The following PACS1 variants were observed in gnomAD, a reference collection of about 807,000 sequenced individuals.
The protein encoded by PACS1 is PACS-1.
In PACS1, 24 loss-of-function variants were observed where a neutral mutation model predicts 115.0. The observed-to-expected ratio is 0.21, with a 90% CI of 0.15 to 0.29. The LOEUF is 0.29. Among genes scored for constraint, PACS1 ranks in the 10% least tolerant of loss-of-function variants. PACS1 has a pLI of 1.00. For synonymous variants in PACS1, 453 were observed against 504.5 expected, an observed-to-expected ratio of 0.90 and a Z score of 1.37; for missense variants, 838 against 1,251.2, an observed-to-expected ratio of 0.67 and a Z score of 4.98.
Position 66,244,580 on chromosome 11 carries a change from T to A in PACS1, c.*1300T>A, listed in dbSNP as rs889035701. 2 of 152,260 alleles carry A rather than the reference T, an allele frequency of 1.3e-5. No individual in the cohort carries two copies. The highest frequency in any genetic ancestry group is 4.8e-5 in the African/African-American group (2 of 41,400). 9.4% of individuals were successfully genotyped at this position (152,260 alleles called of 1,614,324 possible). A position where few individuals can be genotyped will look rare whatever the true frequency, so the allele number is the denominator to read the frequency against. On this transcript the variant is annotated 3_prime_UTR_variant, in exon 24 of 24. Transcript: ENST00000320580. ...TTTGCACAGAACTTCATTTTGAAAG[T>A]GTTTTTCTCATTCTCCATACCTCCC...
rs1441972651 is a variant in PACS1, at chr11:66,227,562, G to C, written c.1352G>C (p.Ser451Thr). 4 of 1,610,676 alleles carry C rather than the reference G, an allele frequency of 2.5e-6. No individual in the cohort carries two copies. The South Asian group carries it at 4.4e-5, about 18-fold the overall frequency. The change falls in exon 11 of 24, where the codon AGC (serine) becomes ACC (threonine). Residue 451 changes from serine (S) to threonine (T), a missense_variant. By Grantham distance (58) the Ser-to-Thr change is moderately conservative. Coordinates refer to ENST00000320580, the MANE Select transcript of PACS1 (RefSeq NM_018026.4). ...ACTTGGATTAAAAACCAAGATGACA[G>C]CTTGACTGAAACAGACACTCTGGTA... Reference protein sequence around the residue: ...KSTWIKNQDDSLTETDTLEIT... With the variant: ...KSTWIKNQDDTLTETDTLEIT...
intron 1 of PACS1, among the ~76,000 whole-genome samples, chr11:66,169,727 C>T (rs1590793557): frequency 6.7e-6 from 1 of 149,870 alleles, no homozygotes; most frequent in Non-Finnish European, 1.5e-5. Flanking sequence ...TTTTTAAATA[C>T]ATTATTTGTT....
At chr11:66,239,876 C>T (rs1418161709) in intron 21 of PACS1, among the ~76,000 whole-genome samples, 4 of 152,192 alleles carry the variant, frequency 2.6e-5, no homozygotes, top group Non-Finnish European at 5.9e-5. Context: ...TACATAAGAA[C>T]GTGGAAACCA....
At chr11:66,224,050 A>T (rs1417960908) in intron 10 of PACS1, among the ~76,000 whole-genome samples, 1 of 152,138 alleles carries the variant, frequency 6.6e-6, no homozygotes, top group Non-Finnish European at 1.5e-5. Context: ...ATACAAAATT[A>T]GCCAGGCATG....
At chr11:66,081,462 C>CA (rs1371061369) in intron 1 of PACS1, among the ~76,000 whole-genome samples, 1 of 151,752 alleles carries the variant, frequency 6.6e-6, no homozygotes, top group Non-Finnish European at 1.5e-5. Flanking sequence ...ACAAAACAAA[C>CA]ATGCTTTCTT....
intron 1 of PACS1, among the ~76,000 whole-genome samples, chr11:66,073,916 CTTTTT>C (rs34145797): frequency 5.2e-5 from 4 of 76,938 alleles, no homozygotes; most frequent in Middle Eastern, 9.6e-3. Flanking sequence ...TCACACCTGG[CTTTTT>C]TTTTTTTTTT....
chr11:66,125,892 T>C (rs1459960889), intron 1 of PACS1, among the ~76,000 whole-genome samples: 1 of 151,740 alleles, frequency 6.6e-6, no homozygotes, highest in East Asian at 1.9e-4. Flanking sequence ...ATACAAAAAT[T>C]AGTCATGCAT....
chr11:66,210,199 AT>A (rs992063280), intron 2 of PACS1, among the ~76,000 whole-genome samples, 162 bp from the exon 3 acceptor site: 1 of 151,334 alleles, frequency 6.6e-6, no homozygotes, highest in Non-Finnish European at 1.5e-5. Flanking sequence ...CACCCAGCCA[AT>A]TTTTTTTATT....
At chr11:66,197,189 G>T (rs1413986744) in intron 2 of PACS1, among the ~76,000 whole-genome samples, 2 of 152,098 alleles carry the variant, frequency 1.3e-5, no homozygotes, top group Non-Finnish European at 2.9e-5. Context: ...TCCAAGAGAT[G>T]CAGGGTTAGT....
At chr11:66,197,034 TG>T (rs756696068) in intron 2 of PACS1, among the ~76,000 whole-genome samples, 4 of 152,264 alleles carry the variant, frequency 2.6e-5, no homozygotes, top group Non-Finnish European at 4.4e-5. Context: ...TTTTTTATAT[TG>T]TATAATATGT....
At chr11:66,164,147 A>C (rs1333843800) in intron 1 of PACS1, among the ~76,000 whole-genome samples, 1 of 152,164 alleles carries the variant, frequency 6.6e-6, no homozygotes. Flanking sequence ...ATCTGGATTT[A>C]ATGCCTCCAT....
At position 66,134,331 on chromosome 11, in the gene PACS1, G is replaced by A. The variant is rs1858788792; in HGVS notation, c.357-59155G>A. 2.5e-5 allele frequency among the ~76,000 whole-genome samples: 3 copies of A among 117,870 alleles called. No homozygotes were observed. The Admixed American group carries it at 3.7e-4, about 14-fold the overall frequency. The allele number at this position is 117,870 out of a possible 152,430, so 77.3% of individuals were successfully genotyped here. ...AGCTGGAGTGCAGTGGAGCAATCTC[G>A]CTCGGCTCACTGCAACCTCTGCCTC... is the stretch of plus-strand genomic sequence containing the variant. On this transcript the variant is annotated intron_variant, in intron 1 of 23. Transcript: ENST00000320580.
At chr11:66,163,863 A>C (rs1200332705) in intron 1 of PACS1, among the ~76,000 whole-genome samples, 1 of 152,170 alleles carries the variant, frequency 6.6e-6, no homozygotes, top group Non-Finnish European at 1.5e-5. Flanking sequence ...CTGATTATAC[A>C]ATGCTTTAAA....
At chr11:66,104,259 G>T (rs770990367) in intron 1 of PACS1, among the ~76,000 whole-genome samples, 1 of 152,100 alleles carries the variant, frequency 6.6e-6, no homozygotes, top group African/African-American at 2.4e-5. Context: ...GGCATTGGGC[G>T]GAAAGGAAAT....
At chr11:66,173,779 G>A (rs1033297714) in intron 1 of PACS1, among the ~76,000 whole-genome samples, 1 of 152,052 alleles carries the variant, frequency 6.6e-6, no homozygotes. Context: ...CGGGCCAGGC[G>A]TGGTGGCTCA....
chr11:66,166,230 C>T (rs775352086), intron 1 of PACS1, among the ~76,000 whole-genome samples: 9 of 152,160 alleles, frequency 5.9e-5, no homozygotes, highest in Admixed American at 1.3e-4. Flanking sequence ...TCACTGCAAC[C>T]TCTGCCTCCC....
intron 19 of PACS1, chr11:66,238,245 C>T: frequency 1.0e-6 from 1 of 985,332 alleles, no homozygotes; most frequent in Non-Finnish European, 1.2e-6. Flanking sequence ...CTTAGCACGT[C>T]CACTTGGCTT....
At chr11:66,160,087 T>C (rs1239842754) in intron 1 of PACS1, among the ~76,000 whole-genome samples, 2 of 152,236 alleles carry the variant, frequency 1.3e-5, no homozygotes, top group Non-Finnish European at 2.9e-5. Context: ...TAAACCACTG[T>C]GCTAGGAGTT....
intron 1 of PACS1, among the ~76,000 whole-genome samples, chr11:66,083,019 G>A (rs1452907205): frequency 1.3e-5 from 2 of 152,154 alleles, no homozygotes; most frequent in African/African-American, 4.8e-5. Context: ...GCAGGTTTTT[G>A]TTTGGTACTT....
Sources: allele counts gnomAD v4.1 joint callset (sites outside exome capture counted in the v4.1 genomes callset), GRCh38; gene constraint gnomAD v4.1.1; transcripts MANE v1.5; gene names NCBI Gene and HGNC (gene_info 2026-07-23, HGNC 2026-07-21).